Variants in CHRM3 observed in about 807,000 individuals in gnomAD.
CHRM3 encodes the protein cholinergic receptor muscarinic 3, also known as muscarinic acetylcholine receptor M3.
Under a neutral mutation model 41.8 loss-of-function variants are expected in CHRM3, and 11 were observed. The ratio of observed to expected loss-of-function variants is 0.26; its 90% CI spans 0.17 to 0.44. CHRM3 has a LOEUF of 0.44. CHRM3 is among the 20% of genes least tolerant of loss of function. The probability of loss-of-function intolerance (pLI) is 1.00; values close to 1 mark genes in which losing one functional copy is unlikely to be tolerated. For synonymous variants in CHRM3, 297 were observed against 301.4 expected, an observed-to-expected ratio of 0.99 and a Z score of 0.15; for missense variants, 571 against 745.4, an observed-to-expected ratio of 0.77 and a Z score of 2.72.
rs562511952 is a variant in CHRM3 at position 239,541,682 on chromosome 1, T to G, written c.-421-3959T>G. On this transcript the variant is annotated intron_variant, in intron 2 of 6. Coordinates refer to ENST00000676153, the MANE Select transcript of CHRM3 (RefSeq NM_001375978.1). ...GTGTGCCACTGCGCCAGGCTAATTT[T>G]TCTATGTTTTTGTAGAGACGGGGTT... 3.3e-5 allele frequency among the ~76,000 whole-genome samples: 5 copies of G among 152,108 alleles called. No individual in the cohort carries two copies. The South Asian group carries it at 1.0e-3, about 32-fold the overall frequency.
intron 5 of CHRM3, among the ~76,000 whole-genome samples, chr1:239,682,788 G>T (rs1658695821): frequency 1.3e-5 from 2 of 152,076 alleles, no homozygotes; most frequent in South Asian, 4.1e-4. Context: ...GTTTGTTAAT[G>T]TCTACTTACT....
chr1:239,618,263 C>CTTT (rs976119953), intron 3 of CHRM3, among the ~76,000 whole-genome samples: 1 of 110,920 alleles, frequency 9.0e-6, no homozygotes, highest in African/African-American at 3.6e-5. Flanking sequence ...AGTAGGAGTA[C>CTTT]TTTTTTTTTC....
intron 2 of CHRM3, among the ~76,000 whole-genome samples, chr1:239,493,200 A>G (rs976480981): frequency 2.0e-5 from 3 of 152,210 alleles, no homozygotes; most frequent in Admixed American, 6.5e-5. Context: ...CTAGAAATAT[A>G]CAATTGGTGA....
intron 5 of CHRM3, among the ~76,000 whole-genome samples, chr1:239,783,554 A>G (rs923189004): frequency 2.0e-4 from 31 of 152,168 alleles, no homozygotes; most frequent in African/African-American, 7.5e-4. Context: ...AAAAGAACAG[A>G]GAGAAGTGAG....
chr1:239,787,257 A>G (rs1457421771), intron 5 of CHRM3, among the ~76,000 whole-genome samples: 1 of 152,200 alleles, frequency 6.6e-6, no homozygotes, highest in Non-Finnish European at 1.5e-5. Context: ...CTGAAGAGCC[A>G]TGTCTGGAAC....
rs150552769 is a variant in CHRM3 at position 239,671,062 on chromosome 1, A to G, written c.-249-7124A>G. Among the ~76,000 whole-genome samples, 638 of 152,206 alleles carry G rather than the reference A, an allele frequency of 4.2e-3. 12 individuals carry two copies. Among genetic ancestry groups the G allele is most frequent in the Admixed American group, 0.03 (451 of 15,274 alleles). ...AGTTGCTTCCCGTCTCTGCCAACAT[A>G]GATGTATTATGTTGTTCTAATTTTG... On this transcript the variant is annotated intron_variant, in intron 4 of 6. Transcript: ENST00000676153.
chr1:239,618,638 A>C (rs183649843), intron 3 of CHRM3, among the ~76,000 whole-genome samples: 1,577 of 151,484 alleles, frequency 0.01, 15 homozygotes, highest in Non-Finnish European at 0.016. Flanking sequence ...AGGTCAGGAG[A>C]TCGAGACCAT....
chr1:239,714,834 A>G (rs1246210555), intron 5 of CHRM3, among the ~76,000 whole-genome samples: 3 of 152,160 alleles, frequency 2.0e-5, no homozygotes, highest in African/African-American at 7.2e-5. Flanking sequence ...GATGTCTTGA[A>G]TGACCTAAGT....
At chr1:239,662,219 A>G (rs1007901836) in intron 4 of CHRM3, among the ~76,000 whole-genome samples, 12 of 151,502 alleles carry the variant, frequency 7.9e-5, no homozygotes, top group African/African-American at 2.9e-4. Context: ...TACACTTCTT[A>G]TTTCTCAGCT....
intron 3 of CHRM3, among the ~76,000 whole-genome samples, chr1:239,608,660 G>A (rs1033889308): frequency 2.0e-5 from 3 of 152,236 alleles, no homozygotes; most frequent in Admixed American, 1.3e-4. Context: ...TGACAATGGC[G>A]CTGCCGAGCC....
intron 3 of CHRM3, among the ~76,000 whole-genome samples, chr1:239,580,040 C>T (rs768799895): frequency 7.4e-4 from 113 of 152,106 alleles, no homozygotes; most frequent in Non-Finnish European, 1.4e-3. Flanking sequence ...TAGCTGCCCT[C>T]ATTTATGTGC....
chr1:239,770,370 GCAA>G, intron 5 of CHRM3, among the ~76,000 whole-genome samples: 1 of 152,080 alleles, frequency 6.6e-6, no homozygotes, highest in East Asian at 1.9e-4. Context: ...TTATTTTTTG[GCAA>G]CAACAACAAA....
chr1:239,851,840 G>C (rs1251816962), intron 6 of CHRM3, among the ~76,000 whole-genome samples: 1 of 152,074 alleles, frequency 6.6e-6, no homozygotes, highest in African/African-American at 2.4e-5. Flanking sequence ...TTATAAAAAA[G>C]CAGTTTCTAA....
intron 2 of CHRM3, among the ~76,000 whole-genome samples, chr1:239,514,831 G>A (rs938414777): frequency 2.6e-5 from 4 of 152,112 alleles, no homozygotes; most frequent in Admixed American, 6.6e-5. Context: ...CCTGGCTGCC[G>A]AACTTGATCT....
chr1:239,415,786 C>T (rs1030642862), intron 1 of CHRM3, among the ~76,000 whole-genome samples: 1 of 152,176 alleles, frequency 6.6e-6, no homozygotes, highest in Non-Finnish European at 1.5e-5. Context: ...TCATATGTCA[C>T]TTCATTCATC....
intron 3 of CHRM3, among the ~76,000 whole-genome samples, chr1:239,608,036 G>C (rs1302067856): frequency 6.6e-6 from 1 of 152,130 alleles, no homozygotes; most frequent in Non-Finnish European, 1.5e-5. Flanking sequence ...CAATGCCCAA[G>C]TATTTATTAA....
chr1:239,762,764 C>A (rs1666904560), intron 5 of CHRM3, among the ~76,000 whole-genome samples: 2 of 151,890 alleles, frequency 1.3e-5, no homozygotes, highest in Non-Finnish European at 2.9e-5. Context: ...ACAAAGAAAG[C>A]AAGTAAAATT....
intron 5 of CHRM3, among the ~76,000 whole-genome samples, chr1:239,778,214 CA>C (rs1668249245): frequency 3.3e-5 from 5 of 152,156 alleles, no homozygotes; most frequent in Admixed American, 3.3e-4. Flanking sequence ...TCCCTAAACT[CA>C]AAAGAATATA....
intron 1 of CHRM3, among the ~76,000 whole-genome samples, chr1:239,472,989 T>G (rs905557409): frequency 6.6e-6 from 1 of 152,024 alleles, no homozygotes; most frequent in Non-Finnish European, 1.5e-5. Context: ...TAGTCTCAGA[T>G]AAAAAAGAAA....
Sources: allele counts gnomAD v4.1 joint callset (sites outside exome capture counted in the v4.1 genomes callset), GRCh38; gene constraint gnomAD v4.1.1; transcripts MANE v1.5; gene names NCBI Gene and HGNC (gene_info 2026-07-23, HGNC 2026-07-21).